Variants in TRAPPC11 observed in about 807,000 individuals in gnomAD.
The protein encoded by TRAPPC11 is trafficking protein particle complex subunit 11.
In TRAPPC11, 104 loss-of-function variants were observed where a neutral mutation model predicts 151.2. The ratio of observed to expected loss-of-function variants is 0.69; its 90% CI spans 0.59 to 0.81. TRAPPC11 has a LOEUF of 0.81. Among genes scored for constraint, TRAPPC11 ranks in the 30% least tolerant of loss-of-function variants. TRAPPC11 has a pLI of 0.00. For missense variants in TRAPPC11, 1,230 were observed against 1,349.6 expected (o/e 0.91, Z 1.39); for synonymous variants, 456 against 472.3 (o/e 0.97, Z 0.45).
In TRAPPC11 at chr4:183,704,077, G is replaced by A. The variant is rs1304228951; in HGVS notation, c.2964-902G>A. Among the ~76,000 whole-genome samples the A allele has an allele frequency of 2.0e-5, 3 of 152,282 alleles. No individual in the cohort carries two copies. In the East Asian group the frequency reaches 5.8e-4, roughly 29 times the overall value. On this transcript the variant is annotated intron_variant, in intron 26 of 29. Transcript: ENST00000334690. ...TGCTACCAAAACACTGTATTAAATC[G>A]TGTGCATCATGATTGACAGTCTGAC...
chr4:183,661,406 C>CT (rs200402508), intron 1 of TRAPPC11, among the ~76,000 whole-genome samples: 3,489 of 118,490 alleles, frequency 0.029, 59 homozygotes, highest in Middle Eastern at 0.15. Flanking sequence ...TCTCCTCGCT[C>CT]TGTCGCCCAG....
At position 183,697,712 on chromosome 4, in the gene TRAPPC11, C is replaced by A; in HGVS notation, c.2728C>A (p.Pro910Thr). 6.2e-7 allele frequency: 1 copy of A among 1,614,100 alleles called. No individual in the cohort carries two copies. The highest frequency in any genetic ancestry group is 8.5e-7 in the Non-Finnish European group (1 of 1,180,032). ...CCTGGAAAGGGTTTATGCTGACATCCCCTTTCTGTTGATGACGGACCTCTT... is the reference window on the plus strand; with the variant it reads ...CCTGGAAAGGGTTTATGCTGACATCACCTTTCTGTTGATGACGGACCTCTT... Reference protein sequence around the residue: ...EHLERVYADIPFLLMTDLLSA... With the variant: ...EHLERVYADITFLLMTDLLSA... Residue 910 changes from proline to threonine, a missense_variant, in exon 25 of 30, where the codon CCC becomes ACC. Physicochemically the swap from Pro to Thr is conservative, Grantham distance 38. Coordinates refer to ENST00000334690, the MANE Select transcript of TRAPPC11 (RefSeq NM_021942.6).
chr4:183,709,135 T>C lies in TRAPPC11; in HGVS notation c.3357+561T>C, dbSNP rs570152906. Among the ~76,000 whole-genome samples, 73 of 152,298 alleles carry C rather than the reference T, an allele frequency of 4.8e-4. No homozygotes were observed. In the South Asian group the frequency reaches 5.0e-3, roughly 10 times the overall value. On this transcript the variant is annotated intron_variant, in intron 29 of 29. Transcript: ENST00000334690. Reference sequence around the variant, plus strand: ...TGATTGTCACTCCCTGATACCTAAATAAGAGCCATCTCTCCACATGCTTCT... The same window carrying C: ...TGATTGTCACTCCCTGATACCTAAACAAGAGCCATCTCTCCACATGCTTCT...
chr4:183,698,785 C>T (rs1212121674), intron 25 of TRAPPC11, among the ~76,000 whole-genome samples: 2 of 152,136 alleles, frequency 1.3e-5, no homozygotes, highest in Admixed American at 1.3e-4. Context: ...CCTTAGGCTG[C>T]CTGCATTCCC....
In TRAPPC11 at chr4:183,691,190, C is replaced by A. The variant is rs181052923; in HGVS notation, c.1894-126C>A. ...CCTCTATTTGGCATAAAAAATACTT[C>A]CTTTTATTAGTAACCCTTCATAATG... On this transcript the variant is annotated intron_variant, in intron 18 of 29. Coordinates refer to ENST00000334690, the MANE Select transcript of TRAPPC11 (RefSeq NM_021942.6). 4.1e-4 allele frequency: 279 copies of A among 686,860 alleles called. 8 individuals are homozygous for A. The Admixed American group carries it at 9.3e-3, about 23-fold the overall frequency. 42.5% of individuals were successfully genotyped at this position (686,860 alleles called of 1,614,324 possible).
chr4:183,712,501 G>A (rs1023663568), intron 29 of TRAPPC11, 99 bp from the exon 30 acceptor site: 63 of 1,184,282 alleles, frequency 5.3e-5, no homozygotes, highest in Non-Finnish European at 7.5e-5. Flanking sequence ...TTCTGTTTTT[G>A]TAAAACAGTT....
chr4:183,681,327 T>C (rs1439027166), intron 10 of TRAPPC11, among the ~76,000 whole-genome samples: 1 of 152,100 alleles, frequency 6.6e-6, no homozygotes, highest in African/African-American at 2.4e-5. Context: ...ATTTAGCTGT[T>C]TTTGCCATGC....
In TRAPPC11 at chr4:183,684,069, C is replaced by A; in HGVS notation, c.1287+15C>A. On this transcript the variant is annotated intron_variant, in intron 12 of 29. Coordinates refer to ENST00000334690, the MANE Select transcript of TRAPPC11 (RefSeq NM_021942.6). ...TTGTTCACTCTGTAAGTTTTGTGTC[C>A]AATATAAACTATTTTTTACACTATT... 1 of 1,611,352 alleles carries A rather than the reference C, an allele frequency of 6.2e-7. No homozygotes were observed. The highest frequency in any genetic ancestry group is 1.1e-5 in the South Asian group (1 of 90,938).
At chr4:183,711,523 G>C (rs1406214592) in intron 29 of TRAPPC11, among the ~76,000 whole-genome samples, 1 of 152,158 alleles carries the variant, frequency 6.6e-6, no homozygotes, top group Non-Finnish European at 1.5e-5. Context: ...AAATTGAGCA[G>C]CTCCCATCAG....
At position 183,694,130 on chromosome 4, in the gene TRAPPC11, G is replaced by A. The variant is rs192307972; in HGVS notation, c.2508+92G>A. 11 of 1,359,418 alleles carry A rather than the reference G, an allele frequency of 8.1e-6. No homozygotes were observed. In the Admixed American group the frequency reaches 9.7e-5, roughly 12 times the overall value. The allele number at this position is 1,359,418 out of a possible 1,614,324, so 84.2% of individuals were successfully genotyped here. A position where few individuals can be genotyped will look rare whatever the true frequency, so the allele number is the denominator to read the frequency against. ...TTTTAACAGTTCAGAGCGTTTTAAC[G>A]CATATTCTAGGACTGAAAAAGTGAT... On this transcript the variant is annotated intron_variant, in intron 22 of 29. Transcript: ENST00000334690.
intron 25 of TRAPPC11, among the ~76,000 whole-genome samples, chr4:183,698,664 CTTG>C (rs1736662155): frequency 6.6e-6 from 1 of 152,130 alleles, no homozygotes; most frequent in Non-Finnish European, 1.5e-5. Context: ...TCAATAAAAG[CTTG>C]TTATTTGTCC....
In TRAPPC11 at chr4:183,712,687, C is replaced by CAG; in HGVS notation, c.*46_*47dup. On this transcript the variant is annotated 3_prime_UTR_variant, in exon 30 of 30. Coordinates refer to ENST00000334690, the MANE Select transcript of TRAPPC11 (RefSeq NM_021942.6). ...TGGCTGTTGTTACAGAGATGTTGGG[C>CAG]AGAGCTATGCAGGTGTTTCATTGTG... is the stretch of plus-strand genomic sequence containing the variant. 6.3e-7 allele frequency: 1 copy of CAG among 1,589,692 alleles called. No individual in the cohort carries two copies. The highest frequency in any genetic ancestry group is 8.6e-7 in the Non-Finnish European group (1 of 1,158,570).
intron 25 of TRAPPC11, among the ~76,000 whole-genome samples, chr4:183,700,150 A>T (rs1020902386): frequency 2.0e-5 from 3 of 152,124 alleles, no homozygotes; most frequent in African/African-American, 4.8e-5. Context: ...CGTTTTATTT[A>T]ACTTCTTACA....
At position 183,693,052 on chromosome 4, in the gene TRAPPC11, A is replaced by G. The variant is rs1579204401; in HGVS notation, c.2142A>G (p.Gln714=). 1.9e-6 allele frequency: 3 copies of G among 1,613,970 alleles called. No homozygotes were observed. The highest frequency in any genetic ancestry group is 2.2e-5 in the East Asian group (1 of 44,880). ...GAGGAGGAGATGCTGCTTCCTCCCA[A>G]GAAGCCTTACAGGCAGCTCGGTCTT... The part of the protein sequence containing the change: ...QGGGGDAASS[Q]EALQAARSFK... Residue 714 remains glutamine, a synonymous_variant, in exon 20 of 30, where the codon CAA becomes CAG. Coordinates refer to ENST00000334690, the MANE Select transcript of TRAPPC11 (RefSeq NM_021942.6).
chr4:183,678,699 T>G (rs1209037243), intron 8 of TRAPPC11, among the ~76,000 whole-genome samples: 10 of 152,210 alleles, frequency 6.6e-5, no homozygotes, highest in Non-Finnish European at 1.3e-4. Context: ...AGAAACTGAT[T>G]GCCTCTAGAA....
chr4:183,665,091 C>CA (rs1734775962), intron 2 of TRAPPC11, among the ~76,000 whole-genome samples: 1 of 106,450 alleles, frequency 9.4e-6, no homozygotes, highest in Admixed American at 1.2e-4. Flanking sequence ...TCTTTTCTTT[C>CA]TTTTTTTTTT....
intron 8 of TRAPPC11, among the ~76,000 whole-genome samples, chr4:183,678,775 C>G (rs1735537089): frequency 6.6e-6 from 1 of 152,130 alleles, no homozygotes; most frequent in Admixed American, 6.6e-5. Flanking sequence ...TTCCTTTGTA[C>G]TTAAAAAATA....
intron 25 of TRAPPC11, chr4:183,701,466 T>C (rs929094378): frequency 9.1e-6 from 4 of 441,680 alleles, no homozygotes; most frequent in African/African-American, 5.9e-5. Context: ...CTTGCAGATA[T>C]ACAGATGCCT....
At chr4:183,668,952 T>C (rs1438313505) in intron 5 of TRAPPC11, among the ~76,000 whole-genome samples, 3 of 152,244 alleles carry the variant, frequency 2.0e-5, no homozygotes, top group African/African-American at 7.2e-5. Flanking sequence ...GTATTGCTTC[T>C]CTTGCATTTG....
Sources: gnomAD v4.1 joint callset for allele counts (sites outside exome capture counted in the v4.1 genomes callset) on GRCh38, gnomAD v4.1.1 for gene constraint, MANE v1.5 for transcripts, NCBI Gene and HGNC (gene_info 2026-07-23, HGNC 2026-07-21) for gene names.